ADAD1: variants seen among roughly 807,000 people sequenced by gnomAD.
The protein encoded by ADAD1 is adenosine deaminase domain-containing protein 1.
A neutral mutation model predicts 66.8 loss-of-function variants in ADAD1; 46 were observed. That is an observed-to-expected ratio of 0.69 (90% confidence interval 0.54 to 0.88). ADAD1 has a LOEUF of 0.88. Among genes scored for constraint, ADAD1 ranks in the 40% least tolerant of loss-of-function variants. The probability of loss-of-function intolerance (pLI) is 0.00; values close to 1 mark genes in which losing one functional copy is unlikely to be tolerated. For missense variants in ADAD1, 617 were observed against 681.8 expected (o/e 0.91, Z 1.06); for synonymous variants, 248 against 229.4 (o/e 1.08, Z -0.73).
At chr4:122,409,836 A>G (rs757306114) in intron 8 of ADAD1, among the ~76,000 whole-genome samples, 18 of 152,094 alleles carry the variant, frequency 1.2e-4, no homozygotes, top group Non-Finnish European at 2.4e-4. Context: ...AGTAGCTGGG[A>G]TTACAGGCAC....
chr4:122,402,683 T>C (rs1384605834), intron 7 of ADAD1, among the ~76,000 whole-genome samples: 1 of 152,044 alleles, frequency 6.6e-6, no homozygotes, highest in Admixed American at 6.6e-5. Context: ...GAGGCTTTGT[T>C]CATTTTTTTA....
In ADAD1 at chr4:122,396,438, A is replaced by G; in HGVS notation, c.724+61A>G. 3 of 1,386,538 alleles carry G rather than the reference A, an allele frequency of 2.2e-6. No individual in the cohort carries two copies. In the Admixed American group the frequency reaches 7.0e-5, roughly 32 times the overall value. 85.9% of individuals were successfully genotyped at this position (1,386,538 alleles called of 1,614,324 possible). A position where few individuals can be genotyped will look rare whatever the true frequency, so the allele number is the denominator to read the frequency against. The stretch of plus-strand genomic sequence containing the variant: ...ATAATCTAATAGTAATATTTTAGTT[A>G]ACTATCTTTGCCCCTGTACACAATG... On this transcript the variant is annotated intron_variant, in intron 7 of 12. Transcript: ENST00000296513.
chr4:122,407,181 G>A (rs372088932), intron 7 of ADAD1, among the ~76,000 whole-genome samples: 12 of 152,016 alleles, frequency 7.9e-5, no homozygotes, highest in African/African-American at 1.9e-4. Context: ...TTTGAAAAAC[G>A]AAAACTCAAG....
At chr4:122,415,270 A>G (rs1419103782) in intron 10 of ADAD1, 109 bp from the exon 11 acceptor site, 1 of 815,374 alleles carries the variant, frequency 1.2e-6, no homozygotes, top group Non-Finnish European at 1.9e-6. Context: ...GAAGGTTGAA[A>G]GATAAAGGAT....
At chr4:122,384,444 G>A (rs62321703) in intron 5 of ADAD1, among the ~76,000 whole-genome samples, 7,484 of 152,182 alleles carry the variant, frequency 0.049, 261 homozygotes, top group Non-Finnish European at 0.074. Flanking sequence ...ACCCTATGCT[G>A]ACAAGTTGTT....
Position 122,383,868 on chromosome 4 carries a change from G to C in ADAD1, c.431G>C (p.Gly144Ala). ...GGTATTCAGTACAAGACTGGACTGG[G>C]ACAAAATAAAAAGGAGTCTAGATCC... ...VDGIQYKTGL[G>A]QNKKESRSNA... The change falls in exon 5 of 13, where the codon GGA (glycine) becomes GCA (alanine). Residue 144 changes from glycine (G) to alanine (A), a missense_variant. Coordinates refer to ENST00000296513, the MANE Select transcript of ADAD1 (RefSeq NM_139243.4). The C allele has an allele frequency of 6.2e-7, 1 of 1,613,882 alleles. No individual in the cohort carries two copies. Among genetic ancestry groups the C allele is most frequent in the Non-Finnish European group, 8.5e-7 (1 of 1,179,918 alleles).
Position 122,380,921 on chromosome 4 carries a change from G to T in ADAD1, c.173-71G>T, listed in dbSNP as rs144903674. 7.3e-6 allele frequency: 10 copies of T among 1,372,558 alleles called. No homozygotes were observed. In the African/African-American group the frequency reaches 9.0e-5, roughly 12 times the overall value. 85.0% of individuals were successfully genotyped at this position (1,372,558 alleles called of 1,614,324 possible). ...TGGGACAACCTTCCATTTCGGGGAG[G>T]ATTTATTGCTTTTGCTCATTTTTGT... On this transcript the variant is annotated intron_variant, in intron 3 of 12. Coordinates refer to ENST00000296513, the MANE Select transcript of ADAD1 (RefSeq NM_139243.4).
chr4:122,428,778 G>C (rs1013053145), intron 12 of ADAD1, among the ~76,000 whole-genome samples: 1 of 152,140 alleles, frequency 6.6e-6, no homozygotes. Flanking sequence ...GGTGAGTACA[G>C]TGGAACTTTT....
intron 5 of ADAD1, among the ~76,000 whole-genome samples, chr4:122,392,222 T>C (rs188365396): frequency 6.6e-6 from 1 of 152,310 alleles, no homozygotes; most frequent in Non-Finnish European, 1.5e-5. Context: ...AGAAAATAAA[T>C]TATTCTTTCA....
intron 11 of ADAD1, 124 bp from the exon 12 acceptor site, chr4:122,421,137 A>T (rs1485145434): frequency 3.1e-6 from 2 of 654,308 alleles, no homozygotes; most frequent in Non-Finnish European, 2.1e-6. Context: ...TAAAAAAAAA[A>T]TTACTATGTA....
chr4:122,396,260 C>A lies in ADAD1; in HGVS notation c.607C>A (p.His203Asn). The A allele has an allele frequency of 6.3e-7, 1 of 1,583,524 alleles. No individual in the cohort carries two copies. Among genetic ancestry groups the A allele is most frequent in the South Asian group, 1.2e-5 (1 of 84,218 alleles). ...TTTTGATTTTTTTCTAGAAGGGAGA[C>A]ATATTCAATATGCAAAGATTTCACA... ...YVSKVHYEGR[H>N]IQYAKISQIV... The change falls in exon 7 of 13, where the codon CAT (histidine) becomes AAT (asparagine). Residue 203 changes from histidine (H) to asparagine (N), a missense_variant. His to Asn is a moderately conservative substitution (Grantham distance 68). Coordinates refer to ENST00000296513, the MANE Select transcript of ADAD1 (RefSeq NM_139243.4).
Position 122,429,757 on chromosome 4 carries a change from CA to C in ADAD1, c.*19del. On this transcript the variant is annotated 3_prime_UTR_variant, in exon 13 of 13. Transcript: ENST00000296513. ...ACATGTGAAATAGGCAATCCATTAT[CA>C]CATTAAAAATCTTGTTTTGTTTGGT... 6.6e-7 allele frequency: 1 copy of C among 1,516,522 alleles called. No homozygotes were observed. The allele number at this position is 1,516,522 out of a possible 1,614,324, so 93.9% of individuals were successfully genotyped here. A position where few individuals can be genotyped will look rare whatever the true frequency, so the allele number is the denominator to read the frequency against.
intron 11 of ADAD1, among the ~76,000 whole-genome samples, chr4:122,416,978 G>A (rs1211115265): frequency 2.0e-5 from 3 of 152,076 alleles, no homozygotes; most frequent in Non-Finnish European, 4.4e-5. Context: ...ATAACAAGAT[G>A]AAATTAAGTG....
chr4:122,423,693 A>G (rs1209744246), intron 12 of ADAD1, among the ~76,000 whole-genome samples: 2 of 152,258 alleles, frequency 1.3e-5, no homozygotes, highest in Non-Finnish European at 2.9e-5. Flanking sequence ...TGGTACTGGC[A>G]TATAGACAGT....
chr4:122,380,948 T>G, intron 3 of ADAD1, 44 bp from the exon 4 acceptor site: 1 of 1,522,166 alleles, frequency 6.6e-7, no homozygotes, highest in Non-Finnish European at 8.8e-7. Flanking sequence ...CATTTTTGTT[T>G]GTTTGTTTTA....
intron 8 of ADAD1, 60 bp from the exon 9 acceptor site, chr4:122,411,162 T>A: frequency 7.6e-7 from 1 of 1,321,324 alleles, no homozygotes; most frequent in Non-Finnish European, 1.0e-6. Flanking sequence ...GACATGATGC[T>A]CATTAAGATA....
chr4:122,410,906 A>G (rs1476852816), intron 8 of ADAD1, among the ~76,000 whole-genome samples: 2 of 152,178 alleles, frequency 1.3e-5, no homozygotes, highest in South Asian at 2.1e-4. Context: ...TCTCTGAGGA[A>G]GAAGGGAGCA....
intron 3 of ADAD1, 83 bp from the exon 4 acceptor site, chr4:122,380,909 C>A: frequency 7.9e-7 from 1 of 1,259,624 alleles, no homozygotes; most frequent in Non-Finnish European, 1.1e-6. Flanking sequence ...GACAACCTTC[C>A]ATTTCGGGGA....
rs758603706 is a variant in ADAD1, at chr4:122,412,560, ACTTT to A, written c.1020-15_1020-12del. 1.2e-6 allele frequency: 2 copies of A among 1,605,362 alleles called. No individual in the cohort carries two copies. The highest frequency in any genetic ancestry group is 2.2e-5 in the East Asian group (1 of 44,800). On this transcript the variant is annotated splice_polypyrimidine_tract_variant and intron_variant, in intron 9 of 12. Coordinates refer to ENST00000296513, the MANE Select transcript of ADAD1 (RefSeq NM_139243.4). The stretch of plus-strand genomic sequence containing the variant: ...TCACCTTTGTTTTTTAAAGGAAGAA[ACTTT>A]CTTTTCTTTCTCTAGACGTCTTAAT...
Sources: allele counts gnomAD v4.1 joint callset (sites outside exome capture counted in the v4.1 genomes callset), GRCh38; gene constraint gnomAD v4.1.1; transcripts MANE v1.5; gene names NCBI Gene and HGNC (gene_info 2026-07-23, HGNC 2026-07-21).